The following DACH1 variants were observed in gnomAD, a reference collection of about 807,000 sequenced individuals.
DACH1 encodes dachshund homolog 1.
In DACH1, 12 loss-of-function variants were observed where a neutral mutation model predicts 54.2. The ratio of observed to expected loss-of-function variants is 0.22; its 90% confidence interval spans 0.14 to 0.36. The LOEUF (loss-of-function observed/expected upper bound fraction) is 0.36. Among genes scored for constraint, DACH1 ranks in the 10% least tolerant of loss-of-function variants. DACH1 has a pLI of 1.00. For missense variants in DACH1, 805 were observed against 929.8 expected (o/e 0.87, Z 1.75); for synonymous variants, 386 against 366.2 (o/e 1.05, Z -0.62).
chr13:71,863,289 G>C (rs1186003053), intron 1 of DACH1, among the ~76,000 whole-genome samples: 2 of 152,122 alleles, frequency 1.3e-5, no homozygotes, highest in Admixed American at 6.5e-5. Context: ...CAGTGGCAGA[G>C]TTAGGAAAAC....
Position 71,772,552 on chromosome 13 carries a change from G to A in DACH1, c.849-90642C>T, listed in dbSNP as rs61956370. ...ATTAGCATCACTTTAATCTCCTAGC[G>A]TTTCACACTGCTATTTTAATCATTA... On this transcript the variant is annotated intron_variant, in intron 1 of 10. Coordinates refer to ENST00000613252, the MANE Select transcript of DACH1 (RefSeq NM_080759.6). Among the ~76,000 whole-genome samples the A allele has an allele frequency of 6.9e-3, 1,040 of 151,584 alleles. 6 individuals carry two copies. Among genetic ancestry groups the A allele is most frequent in the Non-Finnish European group, 0.011 (759 of 67,684 alleles).
At chr13:71,514,215 G>A (rs1031562128) in intron 6 of DACH1, among the ~76,000 whole-genome samples, 37 of 151,840 alleles carry the variant, frequency 2.4e-4, no homozygotes, top group Admixed American at 2.2e-3. Context: ...GATAGTATAA[G>A]CTAAGAAGTG....
chr13:71,486,812 TTATCTATCTATCTATCTATCTATC>T (rs4053561), intron 7 of DACH1, among the ~76,000 whole-genome samples: 58 of 41,812 alleles, frequency 1.4e-3, no homozygotes, highest in African/African-American at 2.3e-3. Flanking sequence ...ATTTATTTAT[TTATCTATCTATCTATCTATCTATC>T]TATCTATCTA....
intron 3 of DACH1, among the ~76,000 whole-genome samples, chr13:71,586,171 T>G (rs140031309): frequency 6.6e-6 from 1 of 152,136 alleles, no homozygotes; most frequent in Non-Finnish European, 1.5e-5. Flanking sequence ...TGACAGGGGG[T>G]ACCAGCTCAC....
At chr13:71,474,952 T>C (rs185157690) in intron 10 of DACH1, among the ~76,000 whole-genome samples, 189 bp downstream of exon 10, 1 of 152,326 alleles carries the variant, frequency 6.6e-6, no homozygotes, top group East Asian at 1.9e-4. Flanking sequence ...AGAGATGACC[T>C]GTTAATTTAA....
At chr13:71,490,488 T>C (rs1403212192) in intron 6 of DACH1, among the ~76,000 whole-genome samples, 1 of 152,190 alleles carries the variant, frequency 6.6e-6, no homozygotes, top group Non-Finnish European at 1.5e-5. Context: ...ACTCACGACT[T>C]TGCAGTTTCT....
At chr13:71,805,420 T>C (rs899618359) in intron 1 of DACH1, among the ~76,000 whole-genome samples, 4 of 152,180 alleles carry the variant, frequency 2.6e-5, no homozygotes, top group Non-Finnish European at 5.9e-5. Context: ...GGACAATTTT[T>C]TGATATTTCA....
At chr13:71,750,016 CA>C (rs1297308212) in intron 1 of DACH1, among the ~76,000 whole-genome samples, 1 of 152,186 alleles carries the variant, frequency 6.6e-6, no homozygotes, top group African/African-American at 2.4e-5. Flanking sequence ...TTTATGGAAG[CA>C]CCTACTATGT....
intron 1 of DACH1, among the ~76,000 whole-genome samples, chr13:71,711,464 A>G (rs545424814): frequency 2.0e-5 from 3 of 152,080 alleles, no homozygotes; most frequent in Admixed American, 6.6e-5. Flanking sequence ...TAAGTCATAA[A>G]CTACTTTTTA....
chr13:71,802,349 G>A (rs1396218085), intron 1 of DACH1, among the ~76,000 whole-genome samples: 1 of 152,064 alleles, frequency 6.6e-6, no homozygotes, highest in Non-Finnish European at 1.5e-5. Flanking sequence ...AACTGGGTTT[G>A]TGAATCCATT....
At chr13:71,678,849 T>G (rs549218419) in intron 2 of DACH1, among the ~76,000 whole-genome samples, 3 of 152,082 alleles carry the variant, frequency 2.0e-5, no homozygotes, top group African/African-American at 7.2e-5. Flanking sequence ...TGGTAGAGAC[T>G]AAACCTTGCT....
intron 1 of DACH1, among the ~76,000 whole-genome samples, chr13:71,822,251 T>C (rs1594264752): frequency 6.6e-6 from 1 of 152,198 alleles, no homozygotes; most frequent in Non-Finnish European, 1.5e-5. Flanking sequence ...AAATGTGATT[T>C]CCACTATATT....
intron 1 of DACH1, among the ~76,000 whole-genome samples, chr13:71,848,861 G>A (rs1398967311): frequency 1.3e-5 from 2 of 152,062 alleles, no homozygotes; most frequent in Admixed American, 1.3e-4. Context: ...TACAATTTCT[G>A]CAGTAGTTTC....
intron 3 of DACH1, among the ~76,000 whole-genome samples, chr13:71,591,811 T>C (rs1188295078): frequency 6.6e-6 from 1 of 152,104 alleles, no homozygotes; most frequent in East Asian, 1.9e-4. Flanking sequence ...ATTAATTTAC[T>C]AAATCAAATA....
At position 71,556,344 on chromosome 13, in the gene DACH1, A is replaced by G. The variant is rs1884248630; in HGVS notation, c.1570+680T>C. ...GTTAAAATAAAAAATAGGTGGGAAG[A>G]TTCTTATATCCACAATTTAACACTT... On this transcript the variant is annotated intron_variant, in intron 6 of 10. Transcript: ENST00000613252. Among the ~76,000 whole-genome samples, 3 of 152,160 alleles carry G rather than the reference A, an allele frequency of 2.0e-5. No individual in the cohort carries two copies. In the South Asian group the frequency reaches 6.2e-4, roughly 31 times the overall value.
At chr13:71,849,410 C>T (rs1181426516) in intron 1 of DACH1, among the ~76,000 whole-genome samples, 1 of 152,206 alleles carries the variant, frequency 6.6e-6, no homozygotes, top group East Asian at 1.9e-4. Flanking sequence ...TTACACAAGC[C>T]TGTGGATCGA....
intron 2 of DACH1, among the ~76,000 whole-genome samples, chr13:71,674,788 GA>G (rs375954610): frequency 7.6e-4 from 26 of 34,138 alleles, no homozygotes; most frequent in African/African-American, 1.2e-3. Flanking sequence ...TTACAAAAAG[GA>G]AAAAAAAAAG....
intron 1 of DACH1, among the ~76,000 whole-genome samples, chr13:71,794,774 C>T (rs1351683699): frequency 6.6e-6 from 1 of 152,166 alleles, no homozygotes; most frequent in East Asian, 1.9e-4. Flanking sequence ...AGGCAGAATT[C>T]CTTATACTAA....
intron 6 of DACH1, among the ~76,000 whole-genome samples, chr13:71,533,320 A>C (rs1285872194): frequency 6.6e-6 from 1 of 151,948 alleles, no homozygotes; most frequent in East Asian, 1.9e-4. Context: ...AAAAAGTTTC[A>C]TAAGTAATTC....
Sources: gnomAD v4.1 joint callset for allele counts (sites outside exome capture counted in the v4.1 genomes callset) on GRCh38, gnomAD v4.1.1 for gene constraint, MANE v1.5 for transcripts, NCBI Gene and HGNC (gene_info 2026-07-23, HGNC 2026-07-21) for gene names.